The following RNF10 variants were observed in gnomAD, a reference collection of about 807,000 sequenced individuals.
The protein encoded by RNF10 is ring finger protein 10.
RNF10 carries 38 observed loss-of-function variants against 91.4 expected under a neutral mutation model. The ratio of observed to expected loss-of-function variants is 0.42; its 90% CI spans 0.32 to 0.54. The LOEUF (loss-of-function observed/expected upper bound fraction) is 0.54, where lower values mean the gene tolerates loss of function less well. Ranked by LOEUF, RNF10 falls within the 20% of genes least tolerant of loss-of-function variation. The pLI, the probability that RNF10 is intolerant of heterozygous loss-of-function variation, is 0.16. For synonymous variants in RNF10, 364 were observed against 366.3 expected, an observed-to-expected ratio of 0.99 and a Z score of 0.07; for missense variants, 945 against 1,012.0, an observed-to-expected ratio of 0.93 and a Z score of 0.90.
At chr12:120,555,686 G>T (rs796351487) in intron 4 of RNF10, among the ~76,000 whole-genome samples, 6 of 151,464 alleles carry the variant, frequency 4.0e-5, no homozygotes, top group African/African-American at 1.5e-4. Flanking sequence ...AGTAGAGATG[G>T]GGTTTCTCCA....
chr12:120,566,977 G>T lies in RNF10; in HGVS notation c.2038G>T (p.Ala680Ser). 1 of 1,598,578 alleles carries T rather than the reference G, an allele frequency of 6.3e-7. No individual in the cohort carries two copies. The highest frequency in any genetic ancestry group is 8.5e-7 in the Non-Finnish European group (1 of 1,176,198). Residue 680 changes from alanine to serine, a missense_variant, in exon 13 of 17, where the codon GCA becomes TCA. Ala to Ser is a moderately conservative substitution (Grantham distance 99). Coordinates refer to ENST00000325954, the MANE Select transcript of RNF10 (RefSeq NM_014868.5). ...SPLSRSPGSH[A>S]DFLLTPLSPT... ...TCTCAGCAGAAGTCCAGGTTCCCAT[G>T]CAGGTAAACAGGTGAAATTTAATGA...
chr12:120,571,407 T>C (rs1876612392), intron 14 of RNF10, 116 bp downstream of exon 14: 2 of 761,532 alleles, frequency 2.6e-6, no homozygotes, highest in Non-Finnish European at 4.4e-6. Context: ...GCTGGACAAA[T>C]TGAGTCATCT....
rs542791848 is a variant in RNF10, at chr12:120,559,095, A to G, written c.967+1413A>G. Among the ~76,000 whole-genome samples the G allele has an allele frequency of 4.1e-3, 617 of 150,918 alleles. 2 individuals carry two copies. Among genetic ancestry groups the G allele is most frequent in the African/African-American group, 0.014 (585 of 41,158 alleles). On this transcript the variant is annotated intron_variant, in intron 6 of 16. Coordinates refer to ENST00000325954, the MANE Select transcript of RNF10 (RefSeq NM_014868.5). Reference sequence around the variant, plus strand: ...TTTTATTTTAAAAAATTAACTGGGCATGCAGGTATAGTTAATTTTTTATTT... The same window carrying G: ...TTTTATTTTAAAAAATTAACTGGGCGTGCAGGTATAGTTAATTTTTTATTT...
At chr12:120,557,231 T>C in intron 4 of RNF10, 51 bp from the exon 5 acceptor site, 2 of 1,575,802 alleles carry the variant, frequency 1.3e-6, no homozygotes, top group African/African-American at 2.7e-5. Flanking sequence ...ACTTTGACAG[T>C]CCCTAATCAG....
chr12:120,536,995 C>A (rs1366841945), intron 1 of RNF10, among the ~76,000 whole-genome samples: 1 of 152,236 alleles, frequency 6.6e-6, no homozygotes, highest in Non-Finnish European at 1.5e-5. Flanking sequence ...GATTACCCAA[C>A]AAGATGATAC....
At chr12:120,565,006 G>C in intron 10 of RNF10, 66 bp from the exon 11 acceptor site, 1 of 1,058,694 alleles carries the variant, frequency 9.4e-7, no homozygotes, top group South Asian at 1.3e-5. Context: ...GGATATCGGG[G>C]TTAGGACCCC....
intron 1 of RNF10, among the ~76,000 whole-genome samples, chr12:120,543,758 C>T (rs1871904071): frequency 6.6e-6 from 1 of 152,082 alleles, no homozygotes; most frequent in Non-Finnish European, 1.5e-5. Flanking sequence ...CGAGATCATG[C>T]CACTGCACTC....
At chr12:120,551,866 A>G (rs988244767) in intron 2 of RNF10, among the ~76,000 whole-genome samples, 1 of 152,210 alleles carries the variant, frequency 6.6e-6, no homozygotes, top group Admixed American at 6.6e-5. Flanking sequence ...AGACTGGGTA[A>G]TTTATGAAAA....
intron 13 of RNF10, among the ~76,000 whole-genome samples, chr12:120,568,588 G>T (rs1876126239): frequency 6.6e-6 from 1 of 151,186 alleles, no homozygotes; most frequent in South Asian, 2.1e-4. Flanking sequence ...CGATTCTTCT[G>T]CCTCAGCCTC....
intron 2 of RNF10, among the ~76,000 whole-genome samples, chr12:120,552,117 G>A (rs1437636890): frequency 4.1e-5 from 6 of 147,282 alleles, no homozygotes; most frequent in African/African-American, 1.2e-4. Context: ...CTTCCTGGCC[G>A]GGCGAGGTGG....
chr12:120,546,885 A>G (rs1253630610), intron 2 of RNF10, among the ~76,000 whole-genome samples: 1 of 152,184 alleles, frequency 6.6e-6, no homozygotes, highest in African/African-American at 2.4e-5. Flanking sequence ...AATTAGAGGT[A>G]CTTTTTGGAA....
intron 1 of RNF10, among the ~76,000 whole-genome samples, chr12:120,540,063 A>T (rs1871333177): frequency 7.7e-6 from 1 of 129,462 alleles, no homozygotes; most frequent in Non-Finnish European, 1.7e-5. Flanking sequence ...CAAACTCCTG[A>T]CCTCATGAGG....
At chr12:120,550,583 G>T (rs73403991) in intron 2 of RNF10, among the ~76,000 whole-genome samples, 1 of 151,452 alleles carries the variant, frequency 6.6e-6, no homozygotes. Flanking sequence ...AGAATGTGGC[G>T]TTTTTTTGTT....
At chr12:120,573,754 C>T (rs1013021543) in intron 14 of RNF10, among the ~76,000 whole-genome samples, 3 of 152,076 alleles carry the variant, frequency 2.0e-5, no homozygotes, top group African/African-American at 7.2e-5. Context: ...AGGTGCCAGG[C>T]CGTTTTAAAC....
chr12:120,534,588 C>G lies in RNF10; in HGVS notation c.-224C>G, dbSNP rs2137108788. 9.2e-7 allele frequency: 1 copy of G among 1,084,712 alleles called. No individual in the cohort carries two copies. The highest frequency in any genetic ancestry group is 1.2e-6 in the Non-Finnish European group (1 of 837,218). The allele number at this position is 1,084,712 out of a possible 1,614,324, so 67.2% of individuals were successfully genotyped here. A position where few individuals can be genotyped will look rare whatever the true frequency, so the allele number is the denominator to read the frequency against. On this transcript the variant is annotated 5_prime_UTR_variant, in exon 1 of 17. Coordinates refer to ENST00000325954, the MANE Select transcript of RNF10 (RefSeq NM_014868.5). Reference sequence around the variant, plus strand: ...CCAGGCCCGGCCCGGACTCCCGAGCCCCGGCCTCCTCGTCCTCGGTCGCCG... The same window carrying G: ...CCAGGCCCGGCCCGGACTCCCGAGCGCCGGCCTCCTCGTCCTCGGTCGCCG...
At chr12:120,550,711 C>T (rs1193952363) in intron 2 of RNF10, among the ~76,000 whole-genome samples, 1 of 151,822 alleles carries the variant, frequency 6.6e-6, no homozygotes, top group Admixed American at 6.6e-5. Flanking sequence ...ATTCTCCTGC[C>T]TCAGCCTCCC....
chr12:120,564,687 GTTAT>G (rs1236102176), intron 10 of RNF10, among the ~76,000 whole-genome samples: 7 of 152,150 alleles, frequency 4.6e-5, no homozygotes, highest in African/African-American at 1.7e-4. Context: ...TTCCTTCCCA[GTTAT>G]TTATTCTGTC....
At chr12:120,545,183 T>C (rs1244611453) in intron 1 of RNF10, among the ~76,000 whole-genome samples, 5 of 152,124 alleles carry the variant, frequency 3.3e-5, no homozygotes, top group Non-Finnish European at 7.4e-5. Flanking sequence ...AGAAACATTT[T>C]TATTTTTTAT....
At chr12:120,576,046 CT>C in intron 16 of RNF10, 96 bp downstream of exon 16, 7 of 1,290,452 alleles carry the variant, frequency 5.4e-6, no homozygotes, top group Non-Finnish European at 7.8e-6. Flanking sequence ...ACTAATTAGG[CT>C]CTTTCCCTTC....
Sources: allele counts gnomAD v4.1 joint callset (sites outside exome capture counted in the v4.1 genomes callset), GRCh38; gene constraint gnomAD v4.1.1; transcripts MANE v1.5; gene names NCBI Gene and HGNC (gene_info 2026-07-23, HGNC 2026-07-21).